Variants in SPIDR observed in about 807,000 individuals in gnomAD.
SPIDR encodes the protein scaffold protein involved in DNA repair, also known as DNA repair-scaffolding protein.
A neutral mutation model predicts 104.6 loss-of-function variants in SPIDR; 93 were observed. That is an observed-to-expected ratio of 0.89 (90% CI 0.75 to 1.06). The LOEUF (loss-of-function observed/expected upper bound fraction) is 1.06, where lower values mean the gene tolerates loss of function less well. Among genes scored for constraint, SPIDR ranks in the 50% least tolerant of loss-of-function variants. The pLI is 0.00. For synonymous variants in SPIDR, 431 were observed against 416.9 expected, an observed-to-expected ratio of 1.03 and a Z score of -0.41; for missense variants, 1,154 against 1,111.2, an observed-to-expected ratio of 1.04 and a Z score of -0.55.
intron 5 of SPIDR, among the ~76,000 whole-genome samples, chr8:47,311,548 G>T (rs1233618400): frequency 6.6e-6 from 1 of 152,168 alleles, no homozygotes; most frequent in Admixed American, 6.5e-5. Flanking sequence ...CCTAGTTGCA[G>T]TGGCTTATGC....
chr8:47,612,427 T>C (rs563676283), intron 10 of SPIDR, among the ~76,000 whole-genome samples: 2 of 152,332 alleles, frequency 1.3e-5, no homozygotes, highest in East Asian at 3.9e-4. Flanking sequence ...TGGCTTGTAC[T>C]CAGCTCATGG....
chr8:47,477,311 C>T (rs573585101), intron 8 of SPIDR, among the ~76,000 whole-genome samples: 8 of 152,224 alleles, frequency 5.3e-5, no homozygotes, highest in Middle Eastern at 3.4e-3. Flanking sequence ...GCAGTTCTTC[C>T]TCAGCCCCCT....
intron 7 of SPIDR, among the ~76,000 whole-genome samples, chr8:47,415,294 C>T (rs1412062076): frequency 1.3e-5 from 2 of 152,106 alleles, no homozygotes; most frequent in Non-Finnish European, 2.9e-5. Flanking sequence ...TGTACCATGC[C>T]CCCAGTTTCC....
At chr8:47,546,340 G>A (rs991609645) in intron 8 of SPIDR, among the ~76,000 whole-genome samples, 1 of 152,218 alleles carries the variant, frequency 6.6e-6, no homozygotes, top group East Asian at 1.9e-4. Flanking sequence ...GTGGTAGTTT[G>A]TATTTTTTCA....
intron 3 of SPIDR, among the ~76,000 whole-genome samples, chr8:47,287,975 GAAGTA>G (rs2039185411): frequency 6.6e-6 from 1 of 152,146 alleles, no homozygotes; most frequent in African/African-American, 2.4e-5. Context: ...TTCAGAGATT[GAAGTA>G]AAGAACTTGT....
chr8:47,710,660 G>A (rs1384298233), intron 14 of SPIDR, among the ~76,000 whole-genome samples: 1 of 151,964 alleles, frequency 6.6e-6, no homozygotes, highest in Non-Finnish European at 1.5e-5. Flanking sequence ...TAGAGATGGG[G>A]TTTCTCCATG....
intron 8 of SPIDR, among the ~76,000 whole-genome samples, chr8:47,526,333 G>T (rs2084982679): frequency 6.6e-6 from 1 of 152,168 alleles, no homozygotes; most frequent in South Asian, 2.1e-4. Flanking sequence ...TAAATTTTGA[G>T]TTTACTATTA....
chr8:47,476,241 G>T (rs1056831731), intron 8 of SPIDR, among the ~76,000 whole-genome samples: 1 of 152,134 alleles, frequency 6.6e-6, no homozygotes, highest in Non-Finnish European at 1.5e-5. Context: ...GAAATAACAG[G>T]GTTCAGCTAC....
chr8:47,587,757 A>G (rs779399009), intron 8 of SPIDR, among the ~76,000 whole-genome samples: 6 of 151,558 alleles, frequency 4.0e-5, no homozygotes, highest in Non-Finnish European at 8.8e-5. Flanking sequence ...GTGAGACCCT[A>G]TCTCTAAAAC....
chr8:47,598,399 A>C (rs540625432), intron 9 of SPIDR, among the ~76,000 whole-genome samples: 3 of 152,286 alleles, frequency 2.0e-5, no homozygotes, highest in Non-Finnish European at 2.9e-5. Context: ...TAATATGTAC[A>C]TTTAAAAGCC....
At chr8:47,588,033 ATATAT>A (rs2060471655) in intron 8 of SPIDR, among the ~76,000 whole-genome samples, 697 of 23,282 alleles carry the variant, frequency 0.03, 107 homozygotes, top group East Asian at 0.037. Flanking sequence ...TAGCATATAT[ATATAT>A]ATATATATAT....
chr8:47,272,032 TG>T (rs2035436136), intron 1 of SPIDR, among the ~76,000 whole-genome samples: 1 of 152,066 alleles, frequency 6.6e-6, no homozygotes, highest in Non-Finnish European at 1.5e-5. Flanking sequence ...TGTAGTGCAA[TG>T]GCACGATCTC....
chr8:47,513,684 G>A (rs897903382), intron 8 of SPIDR, among the ~76,000 whole-genome samples: 2 of 152,174 alleles, frequency 1.3e-5, no homozygotes, highest in Non-Finnish European at 2.9e-5. Context: ...AGGACTTGAG[G>A]GGGTTTTTTG....
chr8:47,599,620 T>TCTG (rs1403042307), intron 10 of SPIDR, among the ~76,000 whole-genome samples: 1 of 152,192 alleles, frequency 6.6e-6, no homozygotes, highest in Non-Finnish European at 1.5e-5. Context: ...TATCAAACCA[T>TCTG]CTGCATCAGT....
At chr8:47,523,894 C>T (rs2154381609) in intron 8 of SPIDR, among the ~76,000 whole-genome samples, 1 of 152,304 alleles carries the variant, frequency 6.6e-6, no homozygotes, top group Non-Finnish European at 1.5e-5. Flanking sequence ...CACAGAACTG[C>T]AGGCCTCTCT....
chr8:47,645,615 T>C (rs1250773918), intron 10 of SPIDR, among the ~76,000 whole-genome samples: 1 of 152,168 alleles, frequency 6.6e-6, no homozygotes, highest in Non-Finnish European at 1.5e-5. Context: ...AAACAGAAAT[T>C]AATGAAAGCC....
intron 10 of SPIDR, among the ~76,000 whole-genome samples, chr8:47,620,456 C>T (rs1012098756): frequency 2.0e-5 from 3 of 151,734 alleles, no homozygotes; most frequent in Admixed American, 6.6e-5. Flanking sequence ...TTAGTAGAGA[C>T]GGGTTTTCGC....
intron 10 of SPIDR, among the ~76,000 whole-genome samples, chr8:47,634,094 CAAAA>C (rs796453026): frequency 1.3e-5 from 1 of 79,092 alleles, no homozygotes; most frequent in Non-Finnish European, 2.6e-5. Context: ...GACCCTGTCT[CAAAA>C]AAAAAAAAAA....
chr8:47,323,671 T>C (rs2047182280), intron 5 of SPIDR, among the ~76,000 whole-genome samples: 1 of 152,142 alleles, frequency 6.6e-6, no homozygotes, highest in South Asian at 2.1e-4. Flanking sequence ...CTTTGAAGAT[T>C]GGTGAGTCAT....
Sources: gnomAD v4.1 joint callset for allele counts (sites outside exome capture counted in the v4.1 genomes callset) on GRCh38, gnomAD v4.1.1 for gene constraint, MANE v1.5 for transcripts, NCBI Gene and HGNC (gene_info 2026-07-23, HGNC 2026-07-21) for gene names.